Variants in DOCK4 observed in about 807,000 individuals in gnomAD.
DOCK4 encodes dedicator of cytokinesis protein 4.
In DOCK4, 97 loss-of-function variants were observed where a neutral mutation model predicts 268.1. The observed-to-expected ratio is 0.36, with a 90% confidence interval of 0.31 to 0.43. DOCK4 has a LOEUF of 0.43. Ranked by LOEUF, DOCK4 falls within the 20% of genes least tolerant of loss-of-function variation. The pLI is 1.00. For missense variants in DOCK4, 2,145 were observed against 2,455.7 expected (o/e 0.87, Z 2.67); for synonymous variants, 954 against 887.2 (o/e 1.08, Z -1.34).
At chr7:111,795,922 A>G (rs886346253) in intron 30 of DOCK4, among the ~76,000 whole-genome samples, 5 of 152,216 alleles carry the variant, frequency 3.3e-5, no homozygotes, top group African/African-American at 7.2e-5. Flanking sequence ...CTTTGTATCA[A>G]CTTCTCAACC....
At chr7:111,955,148 A>C (rs960009197) in intron 8 of DOCK4, among the ~76,000 whole-genome samples, 1 of 152,226 alleles carries the variant, frequency 6.6e-6, no homozygotes, top group Non-Finnish European at 1.5e-5. Flanking sequence ...ACATGAGAAC[A>C]CAAATGACAG....
rs201713031 is a variant in DOCK4 at position 111,728,742 on chromosome 7, G to A, written c.5482-22C>T. 177 of 1,582,966 alleles carry A rather than the reference G, an allele frequency of 1.1e-4. No homozygotes were observed. In the African/African-American group the frequency reaches 2.0e-3, roughly 18 times the overall value. On this transcript the variant is annotated intron_variant, in intron 52 of 52. Coordinates refer to ENST00000428084, the MANE Select transcript of DOCK4 (RefSeq NM_001363540.2). The stretch of plus-strand genomic sequence containing the variant: ...AGCCCTGCTCCGGGGAGAAGGAAAC[G>A]AGAGGGAGACACAGCATTGAGTCGT...
intron 44 of DOCK4, among the ~76,000 whole-genome samples, chr7:111,745,903 T>C (rs1796231606): frequency 6.6e-6 from 1 of 152,016 alleles, no homozygotes; most frequent in South Asian, 2.1e-4. Context: ...CAACCTCACG[T>C]GATGGGTTGC....
chr7:111,892,185 G>T (rs572756167), intron 16 of DOCK4, among the ~76,000 whole-genome samples: 52 of 152,140 alleles, frequency 3.4e-4, no homozygotes, highest in Non-Finnish European at 7.1e-4. Context: ...TTTAAGGCTC[G>T]TACAGATTGA....
At chr7:111,983,862 G>GCACACACACA (rs1554402961) in intron 7 of DOCK4, among the ~76,000 whole-genome samples, 5 of 138,640 alleles carry the variant, frequency 3.6e-5, no homozygotes, top group South Asian at 4.8e-4. Flanking sequence ...GCGCGCGCGC[G>GCACACACACA]CACACACACA....
At chr7:111,768,081 C>T (rs976564364) in intron 37 of DOCK4, among the ~76,000 whole-genome samples, 14 of 152,110 alleles carry the variant, frequency 9.2e-5, no homozygotes, top group African/African-American at 3.4e-4. Context: ...CTAAAATGTG[C>T]ATTTCATATC....
At chr7:111,773,309 T>C (rs1585940896) in intron 36 of DOCK4, among the ~76,000 whole-genome samples, 1 of 152,082 alleles carries the variant, frequency 6.6e-6, no homozygotes, top group East Asian at 1.9e-4. Flanking sequence ...GAAATGAAGA[T>C]AGAAGAGAGA....
chr7:112,129,747 A>G (rs1813621028), intron 1 of DOCK4, among the ~76,000 whole-genome samples: 1 of 152,176 alleles, frequency 6.6e-6, no homozygotes, highest in African/African-American at 2.4e-5. Flanking sequence ...GCAGCTTTTT[A>G]GCTCATTCAT....
intron 3 of DOCK4, 33 bp from the exon 4 acceptor site, chr7:111,998,536 G>A: frequency 6.5e-7 from 1 of 1,540,646 alleles, no homozygotes; most frequent in Non-Finnish European, 8.8e-7. Flanking sequence ...TACGATGCCG[G>A]CTGTTAAGGC....
At chr7:112,128,520 T>G (rs564617539) in intron 1 of DOCK4, among the ~76,000 whole-genome samples, 2 of 152,224 alleles carry the variant, frequency 1.3e-5, no homozygotes, top group Non-Finnish European at 2.9e-5. Context: ...ATGGTTGCCG[T>G]GTCTGTGTAG....
At chr7:112,176,628 C>T (rs1015696435) in intron 1 of DOCK4, among the ~76,000 whole-genome samples, 2 of 152,156 alleles carry the variant, frequency 1.3e-5, no homozygotes, top group African/African-American at 4.8e-5. Context: ...ACAAATCTGC[C>T]AATTACTATA....
chr7:112,095,053 C>A (rs927098803), intron 1 of DOCK4, among the ~76,000 whole-genome samples: 1 of 152,128 alleles, frequency 6.6e-6, no homozygotes, highest in African/African-American at 2.4e-5. Flanking sequence ...TAAGAACAGC[C>A]TAATACAGGA....
chr7:111,885,966 T>C (rs1295740852), intron 16 of DOCK4, among the ~76,000 whole-genome samples: 1 of 152,238 alleles, frequency 6.6e-6, no homozygotes, highest in Non-Finnish European at 1.5e-5. Context: ...GAATACTGCA[T>C]TATGTTCTAG....
chr7:111,793,522 A>G (rs1799693218), intron 30 of DOCK4, among the ~76,000 whole-genome samples: 1 of 152,246 alleles, frequency 6.6e-6, no homozygotes, highest in African/African-American at 2.4e-5. Flanking sequence ...CAAGATCATA[A>G]AAATGTACCT....
At chr7:111,739,998 C>A in intron 47 of DOCK4, 1 of 301,918 alleles carries the variant, frequency 3.3e-6, no homozygotes, top group Non-Finnish European at 6.7e-6. Context: ...GCTCTAAAAT[C>A]CCTAAAAACT....
intron 1 of DOCK4, among the ~76,000 whole-genome samples, chr7:112,097,458 C>G (rs1238879931): frequency 6.6e-6 from 1 of 151,856 alleles, no homozygotes; most frequent in Non-Finnish European, 1.5e-5. Flanking sequence ...ACCTGTGCTA[C>G]CAGCTACTCA....
chr7:112,150,245 C>T (rs748411405), intron 1 of DOCK4, among the ~76,000 whole-genome samples: 7 of 152,224 alleles, frequency 4.6e-5, no homozygotes, highest in South Asian at 2.1e-4. Context: ...AAATGTCTAA[C>T]GCAACTGCAC....
intron 9 of DOCK4, 29 bp downstream of exon 9, chr7:111,945,688 G>A: frequency 1.3e-6 from 2 of 1,532,654 alleles, no homozygotes; most frequent in Non-Finnish European, 1.8e-6. Context: ...GGATGAATCT[G>A]CCTTATGAAT....
chr7:111,774,700 G>A lies in DOCK4; in HGVS notation c.3679+3576C>T, dbSNP rs575538192. Among the ~76,000 whole-genome samples, 211 of 152,266 alleles carry A rather than the reference G, an allele frequency of 1.4e-3. 2 individuals carry two copies. Among genetic ancestry groups the A allele is most frequent in the Non-Finnish European group, 2.5e-3 (172 of 68,018 alleles). On this transcript the variant is annotated intron_variant, in intron 36 of 52. Coordinates refer to ENST00000428084, the MANE Select transcript of DOCK4 (RefSeq NM_001363540.2). ...GTAAGATGAGGCTGAACAGACAAGC[G>A]TTGGTTCAATTACAACAGACCTTGA...
Sources: allele counts gnomAD v4.1 joint callset (sites outside exome capture counted in the v4.1 genomes callset), GRCh38; gene constraint gnomAD v4.1.1; transcripts MANE v1.5; gene names NCBI Gene and HGNC (gene_info 2026-07-23, HGNC 2026-07-21).